Variants in HSPH1 observed in about 807,000 individuals in gnomAD.
HSPH1 encodes heat shock protein family H (Hsp110) member 1.
A neutral mutation model predicts 100.0 loss-of-function variants in HSPH1; 40 were observed. That is an observed-to-expected ratio of 0.40 (90% CI 0.31 to 0.52). The LOEUF (loss-of-function observed/expected upper bound fraction) is 0.52, where lower values mean the gene tolerates loss of function less well. Ranked by LOEUF, HSPH1 falls within the 20% of genes least tolerant of loss-of-function variation. The pLI, the probability that HSPH1 is intolerant of heterozygous loss-of-function variation, is 0.54. For missense variants in HSPH1, 876 were observed against 1,015.1 expected (o/e 0.86, Z 1.86); for synonymous variants, 403 against 344.0 (o/e 1.17, Z -1.90).
chr13:31,152,945 A>AGG lies in HSPH1; in HGVS notation c.434_435dup (p.Ser146ProfsTer13). 6.2e-7 allele frequency: 1 copy of AGG among 1,609,916 alleles called. No individual in the cohort carries two copies. Among genetic ancestry groups the AGG allele is most frequent in the South Asian group, 1.1e-5 (1 of 90,936 alleles). On this transcript the variant is annotated frameshift_variant, in exon 5 of 18. Transcript: ENST00000320027. LOFTEE classifies it high-confidence loss of function. ...CGCCTCTCAGCATCTGTAAAGAAGG[A>AGG]GGGGACCTACAAACAAACAAAAAAT...
chr13:31,156,235 A>C (rs1956686068), intron 2 of HSPH1, among the ~76,000 whole-genome samples: 1 of 152,072 alleles, frequency 6.6e-6, no homozygotes, highest in Non-Finnish European at 1.5e-5. Flanking sequence ...CTAAAAATAC[A>C]AAAAATTAGC....
chr13:31,147,728 G>GCAGAACT (rs1956319830), intron 10 of HSPH1, among the ~76,000 whole-genome samples: 1 of 151,962 alleles, frequency 6.6e-6, no homozygotes, highest in African/African-American at 2.4e-5. Flanking sequence ...TTAAGTAACA[G>GCAGAACT]CAGAACTCCA....
intron 17 of HSPH1, among the ~76,000 whole-genome samples, chr13:31,138,012 C>A (rs778935504): frequency 6.6e-6 from 1 of 152,078 alleles, no homozygotes; most frequent in Non-Finnish European, 1.5e-5. Flanking sequence ...ATTTCCTAAC[C>A]CCTTTTTCCT....
Position 31,154,686 on chromosome 13 carries a change from T to C in HSPH1, c.376A>G (p.Lys126Glu), listed in dbSNP as rs1956615909. 1.2e-6 allele frequency: 2 copies of C among 1,613,922 alleles called. No homozygotes were observed. Among genetic ancestry groups the C allele is most frequent in the Non-Finnish European group, 8.5e-7 (1 of 1,179,910 alleles). The change falls in exon 4 of 18, where the codon AAG becomes GAG. Residue 126 changes from lysine (K) to glutamate (E), a missense_variant. Coordinates refer to ENST00000320027, the MANE Select transcript of HSPH1 (RefSeq NM_006644.4). ...TTGAGGCTGTTTTCAGCAGTTTCCT[T>C]CAGCTTAGTCAACAACATGGCTGTT... is the stretch of plus-strand genomic sequence containing the variant. ...QITAMLLTKL[K>E]ETAENSLKKP...
chr13:31,151,704 T>C lies in HSPH1; in HGVS notation c.568A>G (p.Ser190Gly), dbSNP rs1956493926. Residue 190 changes from serine (S) to glycine (G), a missense_variant, in exon 6 of 18, where the codon AGC (serine) becomes GGC (glycine). Coordinates refer to ENST00000320027, the MANE Select transcript of HSPH1 (RefSeq NM_006644.4). ...NYGIYKQDLP[S>G]LDEKPRIVVF... ...ACTATCCGAGGTTTCTCATCCAGGC[T>C]TGGGAGATCCTGCTTATAAATTCCG... The C allele has an allele frequency of 6.2e-7, 1 of 1,611,928 alleles. No homozygotes were observed.
At position 31,136,825 on chromosome 13, in the gene HSPH1, A is replaced by G. The variant is rs1232776466; in HGVS notation, c.*493T>C. The G allele has an allele frequency of 1.1e-5, 2 of 189,856 alleles. No individual in the cohort carries two copies. Among genetic ancestry groups the G allele is most frequent in the Admixed American group, 5.8e-5 (1 of 17,134 alleles). 11.8% of individuals were successfully genotyped at this position (189,856 alleles called of 1,614,324 possible). On this transcript the variant is annotated 3_prime_UTR_variant, in exon 18 of 18. Coordinates refer to ENST00000320027, the MANE Select transcript of HSPH1 (RefSeq NM_006644.4). ...TTTTGTTTTACTCATTGAATTTTTAATATCAAAGCAAAAAGTCATTTTCTC... is the reference window on the plus strand; with the variant it reads ...TTTTGTTTTACTCATTGAATTTTTAGTATCAAAGCAAAAAGTCATTTTCTC...
Position 31,161,763 on chromosome 13 carries a change from C to G in HSPH1, c.-181G>C, listed in dbSNP as rs752284485. 6.6e-7 allele frequency: 1 copy of G among 1,514,102 alleles called. No individual in the cohort carries two copies. Among genetic ancestry groups the G allele is most frequent in the Non-Finnish European group, 8.8e-7 (1 of 1,133,166 alleles). The allele number at this position is 1,514,102 out of a possible 1,614,324, so 93.8% of individuals were successfully genotyped here. A position where few individuals can be genotyped will look rare whatever the true frequency, so the allele number is the denominator to read the frequency against. ...CGCGGCCTGTCAGGAGCCTCCTACTCCCCCGGGGACAGCGGCGGCTGGCTG... is the reference window on the plus strand; with the variant it reads ...CGCGGCCTGTCAGGAGCCTCCTACTGCCCCGGGGACAGCGGCGGCTGGCTG... On this transcript the variant is annotated 5_prime_UTR_variant, in exon 1 of 18. Transcript: ENST00000320027.
At position 31,158,870 on chromosome 13, in the gene HSPH1, A is replaced by G. The variant is rs200635681; in HGVS notation, c.108-7T>C. On this transcript the variant is annotated splice_region_variant and splice_polypyrimidine_tract_variant and intron_variant, in intron 1 of 17. Coordinates refer to ENST00000320027, the MANE Select transcript of HSPH1 (RefSeq NM_006644.4). ...TCCAAATGATATGACTGACCTAGAA[A>G]AAAATATATTCCAAAAAATTAAAAA... The G allele has an allele frequency of 1.1e-5, 17 of 1,549,614 alleles. No homozygotes were observed. The highest frequency in any genetic ancestry group is 4.1e-5 in the African/African-American group (3 of 73,724).
chr13:31,156,360 AGCCTGG>A (rs1282423766), intron 2 of HSPH1, among the ~76,000 whole-genome samples: 3 of 152,100 alleles, frequency 2.0e-5, no homozygotes, highest in African/African-American at 7.2e-5. Flanking sequence ...ACTGCACTCC[AGCCTGG>A]GCGACAGAGC....
chr13:31,150,281 T>C (rs1173755201), intron 7 of HSPH1, 99 bp from the exon 8 acceptor site: 2 of 834,000 alleles, frequency 2.4e-6, no homozygotes, highest in Admixed American at 5.2e-5. Context: ...CTCAGACACC[T>C]TGGATCCCAC....
intron 1 of HSPH1, among the ~76,000 whole-genome samples, chr13:31,159,399 G>A (rs1215186273): frequency 2.0e-5 from 3 of 152,218 alleles, no homozygotes; most frequent in East Asian, 1.9e-4. Flanking sequence ...AGATTCTGCC[G>A]GAGAAAGAAA....
chr13:31,161,986 G>GCCTCCACCGGCC (rs1566022859), upstream of HSPH1: 2 of 1,535,928 alleles, frequency 1.3e-6, no homozygotes, highest in East Asian at 4.9e-5. Context: ...ACTCACCGGC[G>GCCTCCACCGGCC]CCTCCACCGG....
intron 6 of HSPH1, 129 bp from the exon 7 acceptor site, chr13:31,151,320 T>A: frequency 1.2e-6 from 1 of 818,754 alleles, no homozygotes; most frequent in Non-Finnish European, 1.9e-6. Context: ...TAACATGAAA[T>A]CCAAATCAGT....
At position 31,141,782 on chromosome 13, in the gene HSPH1, T is replaced by C. The variant is rs539255351; in HGVS notation, c.1717-523A>G. Reference sequence around the variant, plus strand: ...TTATTGAACTTGGAGTACATATATATATACTCCATACACATACATACACAC... The same window carrying C: ...TTATTGAACTTGGAGTACATATATACATACTCCATACACATACATACACAC... On this transcript the variant is annotated intron_variant, in intron 12 of 17. Coordinates refer to ENST00000320027, the MANE Select transcript of HSPH1 (RefSeq NM_006644.4). Among the ~76,000 whole-genome samples the C allele has an allele frequency of 9.5e-5, 13 of 136,474 alleles. No homozygotes were observed. In the South Asian group the frequency reaches 2.4e-3, roughly 25 times the overall value. The allele number at this position is 136,474 out of a possible 152,430, so 89.5% of individuals were successfully genotyped here. A position where few individuals can be genotyped will look rare whatever the true frequency, so the allele number is the denominator to read the frequency against.
Position 31,139,882 on chromosome 13 carries a change from C to T in HSPH1, c.1980+302G>A, listed in dbSNP as rs769386476. The stretch of plus-strand genomic sequence containing the variant: ...AAGGCAGCAGTGTCACCGCATTTGA[C>T]GTTTTTAAAAGCGAAGATTTTTCTC... On this transcript the variant is annotated intron_variant, in intron 14 of 17. Coordinates refer to ENST00000320027, the MANE Select transcript of HSPH1 (RefSeq NM_006644.4). 3.9e-5 allele frequency among the ~76,000 whole-genome samples: 6 copies of T among 151,968 alleles called. No homozygotes were observed. The South Asian group carries it at 8.3e-4, about 21-fold the overall frequency.
chr13:31,155,953 A>C (rs1284135376), intron 2 of HSPH1, among the ~76,000 whole-genome samples: 1 of 152,254 alleles, frequency 6.6e-6, no homozygotes, highest in Non-Finnish European at 1.5e-5. Context: ...AGACAGTGAA[A>C]ACTATCACTA....
chr13:31,161,351 G>A (rs1056927964), intron 1 of HSPH1, 125 bp downstream of exon 1: 6 of 1,472,862 alleles, frequency 4.1e-6, no homozygotes, highest in African/African-American at 2.8e-5. Flanking sequence ...GTTCCACGGA[G>A]GGGTGCGCCG....
intron 9 of HSPH1, 74 bp from the exon 10 acceptor site, chr13:31,148,166 A>C (rs1956338583): frequency 1.1e-5 from 16 of 1,419,078 alleles, no homozygotes; most frequent in Non-Finnish European, 1.6e-5. Context: ...CAAACAGAAA[A>C]GAGGCTTTCT....
At chr13:31,140,059 T>G in intron 14 of HSPH1, 125 bp downstream of exon 14, 12 of 930,420 alleles carry the variant, frequency 1.3e-5, no homozygotes, top group Non-Finnish European at 1.9e-5. Context: ...CTCCATAACT[T>G]TGTTTTCTGT....
Sources: allele counts gnomAD v4.1 joint callset (sites outside exome capture counted in the v4.1 genomes callset), GRCh38; gene constraint gnomAD v4.1.1; transcripts MANE v1.5; gene names NCBI Gene and HGNC (gene_info 2026-07-23, HGNC 2026-07-21).